Variants in DLG2 observed in about 807,000 individuals in gnomAD.
DLG2 encodes disks large homolog 2.
A neutral mutation model predicts 132.5 loss-of-function variants in DLG2; 45 were observed. The observed-to-expected ratio is 0.34, with a 90% confidence interval of 0.27 to 0.44. DLG2 has a LOEUF of 0.44. Among genes scored for constraint, DLG2 ranks in the 20% least tolerant of loss-of-function variants. The probability of loss-of-function intolerance (pLI) is 1.00; values close to 1 mark genes in which losing one functional copy is unlikely to be tolerated. For missense variants in DLG2, 1,045 were observed against 1,196.9 expected (o/e 0.87, Z 1.87); for synonymous variants, 424 against 419.6 (o/e 1.01, Z -0.13).
chr11:85,391,252 C>G (rs569248365), intron 3 of DLG2, among the ~76,000 whole-genome samples: 33 of 152,072 alleles, frequency 2.2e-4, no homozygotes, highest in Non-Finnish European at 4.4e-4. Context: ...GAAATAGAAA[C>G]TCTGAACAGG....
At chr11:84,190,719 G>C (rs967615705) in intron 8 of DLG2, among the ~76,000 whole-genome samples, 6 of 152,130 alleles carry the variant, frequency 3.9e-5, no homozygotes, top group African/African-American at 7.2e-5. Context: ...TGCACAATCT[G>C]CAATGTTCTG....
chr11:84,072,292 C>T (rs992700320), intron 10 of DLG2, among the ~76,000 whole-genome samples: 1 of 152,224 alleles, frequency 6.6e-6, no homozygotes, highest in African/African-American at 2.4e-5. Flanking sequence ...AAACATTATG[C>T]AAGTTCATTG....
At chr11:85,356,224 A>G (rs1163278119) in intron 3 of DLG2, among the ~76,000 whole-genome samples, 1 of 152,220 alleles carries the variant, frequency 6.6e-6, no homozygotes, top group Non-Finnish European at 1.5e-5. Context: ...TATAGCTCAT[A>G]GTAATTCCAT....
intron 7 of DLG2, among the ~76,000 whole-genome samples, chr11:84,397,033 T>C (rs2098813342): frequency 6.6e-6 from 1 of 152,222 alleles, no homozygotes; most frequent in African/African-American, 2.4e-5. Context: ...ATTTATTGAA[T>C]ACTCCCTATG....
chr11:84,692,043 C>T (rs1242898280), intron 6 of DLG2, among the ~76,000 whole-genome samples: 3 of 151,726 alleles, frequency 2.0e-5, no homozygotes, highest in African/African-American at 4.8e-5. Flanking sequence ...TCTATTAGTA[C>T]TTATTGCATG....
intron 4 of DLG2, among the ~76,000 whole-genome samples, chr11:85,189,503 T>G (rs938614287): frequency 4.6e-5 from 7 of 152,184 alleles, no homozygotes; most frequent in African/African-American, 1.7e-4. Context: ...CAAAAGATTA[T>G]ATAGTGTATG....
At chr11:84,937,137 G>A (rs2048846634) in intron 6 of DLG2, among the ~76,000 whole-genome samples, 1 of 152,146 alleles carries the variant, frequency 6.6e-6, no homozygotes, top group African/African-American at 2.4e-5. Context: ...GGGCAACAGA[G>A]CTAAACTCCC....
At chr11:84,135,013 C>T (rs936252179) in intron 9 of DLG2, among the ~76,000 whole-genome samples, 2 of 152,022 alleles carry the variant, frequency 1.3e-5, no homozygotes, top group Admixed American at 1.3e-4. Flanking sequence ...AATAAATCTG[C>T]TCTATTCCAT....
At chr11:84,003,803 T>G (rs909365060) in intron 11 of DLG2, among the ~76,000 whole-genome samples, 2 of 152,110 alleles carry the variant, frequency 1.3e-5, no homozygotes, top group African/African-American at 4.8e-5. Context: ...TATCAGAGAC[T>G]ATTAGGAACA....
chr11:83,484,035 G>A, intron 22 of DLG2, 94 bp downstream of exon 22: 2 of 966,150 alleles, frequency 2.1e-6, no homozygotes, highest in Non-Finnish European at 3.3e-6. Context: ...GTTTGCCTAG[G>A]TGTGTGGCGT....
intron 17 of DLG2, among the ~76,000 whole-genome samples, chr11:83,828,176 A>C (rs1207882999): frequency 6.6e-6 from 1 of 152,210 alleles, no homozygotes; most frequent in East Asian, 1.9e-4. Context: ...AAAACATAGT[A>C]AAACGTTACT....
chr11:85,556,608 T>C (rs1039932140), intron 3 of DLG2, among the ~76,000 whole-genome samples: 11 of 152,044 alleles, frequency 7.2e-5, no homozygotes, highest in African/African-American at 2.6e-4. Flanking sequence ...ACTTTTTATA[T>C]AACTAATTTA....
chr11:85,032,793 G>A (rs2061129446), intron 6 of DLG2, among the ~76,000 whole-genome samples: 1 of 152,190 alleles, frequency 6.6e-6, no homozygotes, highest in African/African-American at 2.4e-5. Flanking sequence ...AACTTACTAA[G>A]TGAAAGTCAG....
At chr11:84,339,780 T>C (rs182894019) in intron 7 of DLG2, among the ~76,000 whole-genome samples, 22 of 152,306 alleles carry the variant, frequency 1.4e-4, no homozygotes, top group Admixed American at 1.4e-3. Flanking sequence ...TTTTTACTCA[T>C]AGAGCATTGT....
At chr11:83,533,852 A>C (rs981841970) in intron 20 of DLG2, among the ~76,000 whole-genome samples, 2 of 152,136 alleles carry the variant, frequency 1.3e-5, no homozygotes, top group Non-Finnish European at 2.9e-5. Flanking sequence ...TGAAGCAGTG[A>C]AGTGATAAAA....
At chr11:85,562,679 G>A (rs2077322226) in intron 3 of DLG2, among the ~76,000 whole-genome samples, 1 of 151,562 alleles carries the variant, frequency 6.6e-6, no homozygotes, top group South Asian at 2.1e-4. Flanking sequence ...CTTGTCTCAT[G>A]CCTTTCATCA....
At chr11:83,571,331 G>A (rs1421677750) in intron 19 of DLG2, among the ~76,000 whole-genome samples, 1 of 131,866 alleles carries the variant, frequency 7.6e-6, no homozygotes, top group Admixed American at 8.5e-5. Context: ...TAAGAACACT[G>A]GAAGTTAAAA....
intron 9 of DLG2, among the ~76,000 whole-genome samples, chr11:84,159,698 T>C (rs1224202082): frequency 6.6e-6 from 1 of 152,154 alleles, no homozygotes; most frequent in East Asian, 1.9e-4. Context: ...TGGCTTATAT[T>C]AACATTTTGA....
chr11:83,712,499 G>A (rs1488157073), intron 18 of DLG2, among the ~76,000 whole-genome samples: 1 of 151,970 alleles, frequency 6.6e-6, no homozygotes, highest in Non-Finnish European at 1.5e-5. Context: ...GTGTGGTGTT[G>A]CATGCCTGTA....
Sources: gnomAD v4.1 joint callset for allele counts (sites outside exome capture counted in the v4.1 genomes callset) on GRCh38, gnomAD v4.1.1 for gene constraint, MANE v1.5 for transcripts, NCBI Gene and HGNC (gene_info 2026-07-23, HGNC 2026-07-21) for gene names.